LCA5: variants seen among roughly 807,000 people sequenced by gnomAD.
LCA5 encodes the protein lebercilin LCA5, also known as lebercilin.
In LCA5, 37 loss-of-function variants were observed where a neutral mutation model predicts 53.0. The ratio of observed to expected loss-of-function variants is 0.70; its 90% CI spans 0.54 to 0.92. LCA5 has a LOEUF of 0.92. LCA5 is among the 40% of genes least tolerant of loss of function. The probability of loss-of-function intolerance (pLI) is 0.00; values close to 1 mark genes in which losing one functional copy is unlikely to be tolerated. For synonymous variants in LCA5, 303 were observed against 282.9 expected, an observed-to-expected ratio of 1.07 and a Z score of -0.71; for missense variants, 806 against 790.5, an observed-to-expected ratio of 1.02 and a Z score of -0.23.
At chr6:79,505,762 A>G (rs1582632252) in intron 3 of LCA5, among the ~76,000 whole-genome samples, 3 of 152,272 alleles carry the variant, frequency 2.0e-5, no homozygotes, top group Middle Eastern at 6.8e-3. Flanking sequence ...GAAAGGGCAG[A>G]AAAACTTTCA....
At chr6:79,503,913 C>T (rs1770210002) in intron 3 of LCA5, among the ~76,000 whole-genome samples, 1 of 152,200 alleles carries the variant, frequency 6.6e-6, no homozygotes, top group South Asian at 2.1e-4. Flanking sequence ...TAAAATTTGA[C>T]CTTGAATTCT....
intron 3 of LCA5, among the ~76,000 whole-genome samples, chr6:79,495,340 A>G (rs530729567): frequency 6.6e-6 from 1 of 152,282 alleles, no homozygotes; most frequent in East Asian, 1.9e-4. Flanking sequence ...AAGGACTTGT[A>G]TGAAGAAATG....
At chr6:79,535,239 C>A (rs1484578649) in intron 1 of LCA5, among the ~76,000 whole-genome samples, 1 of 151,978 alleles carries the variant, frequency 6.6e-6, no homozygotes, top group African/African-American at 2.4e-5. Flanking sequence ...GATAATATCA[C>A]AAGAAGAATC....
At position 79,487,636 on chromosome 6, in the gene LCA5, C is replaced by A; in HGVS notation, c.1462G>T (p.Val488Phe). 6.2e-7 allele frequency: 1 copy of A among 1,613,972 alleles called. No homozygotes were observed. Among genetic ancestry groups the A allele is most frequent in the Non-Finnish European group, 8.5e-7 (1 of 1,179,912 alleles). ...TCAAAATCAGGTAACAATGGCAAAA[C>A]AGGGTATTTTAGATTTCGAGAATCT... ...LQDSRNLKYP[V>F]LPLLPDFESK... The change falls in exon 8 of 8, where the codon GTT becomes TTT. Residue 488 changes from valine to phenylalanine, a missense_variant. Coordinates refer to ENST00000369846, the MANE Select transcript of LCA5 (RefSeq NM_001122769.3).
At position 79,523,880 on chromosome 6, in the gene LCA5, A is replaced by C. The variant is rs188645180; in HGVS notation, c.-191-4795T>G. 1.9e-3 allele frequency among the ~76,000 whole-genome samples: 288 copies of C among 152,320 alleles called. 3 individuals carry two copies. Among genetic ancestry groups the C allele is most frequent in the East Asian group, 2.3e-3 (12 of 5,182 alleles). On this transcript the variant is annotated intron_variant, in intron 1 of 7. Transcript: ENST00000369846. ...CCCATTATCCAAGTCCTGCTCCCTG[A>C]AACAACCATTTTAATGGCTTATACC... is the stretch of plus-strand genomic sequence containing the variant.
At chr6:79,490,142 G>T (rs1769797061) in intron 6 of LCA5, among the ~76,000 whole-genome samples, 1 of 152,008 alleles carries the variant, frequency 6.6e-6, no homozygotes, top group Admixed American at 6.6e-5. Flanking sequence ...ACAAGAGAGA[G>T]AAATTTTTAT....
At chr6:79,537,836 A>G (rs567806976), upstream of LCA5, among the ~76,000 whole-genome samples, 35 of 152,242 alleles carry the variant, frequency 2.3e-4, no homozygotes, top group Non-Finnish European at 3.7e-4. Flanking sequence ...ACAAACTGCT[A>G]GTGCTTCTGG....
chr6:79,518,655 A>G, intron 2 of LCA5, 50 bp downstream of exon 2: 1 of 1,533,534 alleles, frequency 6.5e-7, no homozygotes, highest in Non-Finnish European at 9.0e-7. Flanking sequence ...TTCCTTAAGC[A>G]CTCAAAATGA....
rs113378498 is a variant in LCA5 at position 79,503,113 on chromosome 6, C to G, written c.721-9363G>C. ...GCTAGGCTGGTCTTGAACTCCTGAG[C>G]TCAACTGATCCATCTGCCTTGGCCT... On this transcript the variant is annotated intron_variant, in intron 3 of 7. Coordinates refer to ENST00000369846, the MANE Select transcript of LCA5 (RefSeq NM_001122769.3). Among the ~76,000 whole-genome samples, 215 of 152,268 alleles carry G rather than the reference C, an allele frequency of 1.4e-3. 6 individuals are homozygous for G. Among genetic ancestry groups the G allele is most frequent in the African/African-American group, 5.0e-3 (207 of 41,552 alleles).
At chr6:79,531,158 A>AT (rs1241340223) in intron 1 of LCA5, among the ~76,000 whole-genome samples, 1 of 152,188 alleles carries the variant, frequency 6.6e-6, no homozygotes, top group Admixed American at 6.5e-5. Flanking sequence ...GACCTACTCA[A>AT]TATTTCAATA....
intron 3 of LCA5, among the ~76,000 whole-genome samples, chr6:79,504,263 C>G (rs749953768): frequency 1.3e-5 from 2 of 152,120 alleles, no homozygotes; most frequent in Non-Finnish European, 2.9e-5. Context: ...TAAAAACTTA[C>G]GTTTAATGCT....
In LCA5 at chr6:79,501,905, T is replaced by C. The variant is rs185885646; in HGVS notation, c.721-8155A>G. On this transcript the variant is annotated intron_variant, in intron 3 of 7. Coordinates refer to ENST00000369846, the MANE Select transcript of LCA5 (RefSeq NM_001122769.3). ...TATAGTATGTAGTATAGAATACAGA[T>C]GTATAATATATAGTATATACACATA... is the stretch of plus-strand genomic sequence containing the variant. Among the ~76,000 whole-genome samples the C allele has an allele frequency of 1.3e-4, 19 of 151,834 alleles. No individual in the cohort carries two copies. In the South Asian group the frequency reaches 1.7e-3, roughly 13 times the overall value.
Position 79,533,759 on chromosome 6 carries a change from T to G in LCA5, c.-192+3406A>C, listed in dbSNP as rs949396544. ...CCATTGTATATAAATATCATAATGA[T>G]ATCTAATTCGTCTGACTCTAAGAAA... On this transcript the variant is annotated intron_variant, in intron 1 of 7. Transcript: ENST00000369846. 2.6e-5 allele frequency among the ~76,000 whole-genome samples: 4 copies of G among 151,916 alleles called. No individual in the cohort carries two copies. The East Asian group carries it at 5.8e-4, about 22-fold the overall frequency.
chr6:79,532,828 T>A (rs1404426823), intron 1 of LCA5, among the ~76,000 whole-genome samples: 1 of 152,202 alleles, frequency 6.6e-6, no homozygotes, highest in Non-Finnish European at 1.5e-5. Context: ...GAGACAGAAC[T>A]CTTGTCTGTT....
chr6:79,497,844 G>A (rs1385049090), intron 3 of LCA5, among the ~76,000 whole-genome samples: 14 of 151,524 alleles, frequency 9.2e-5, no homozygotes, highest in East Asian at 1.9e-4. Flanking sequence ...GTTGTGGTGC[G>A]CACCTGTAAT....
At chr6:79,492,818 G>A (rs1769881297) in intron 4 of LCA5, among the ~76,000 whole-genome samples, 171 bp from the exon 5 acceptor site, 1 of 151,966 alleles carries the variant, frequency 6.6e-6, no homozygotes, top group South Asian at 2.1e-4. Flanking sequence ...CTGAGGTTAG[G>A]ATAGAGCAAT....
In LCA5 at chr6:79,489,163, T is replaced by G. The variant is rs1562094420; in HGVS notation, c.1152A>C (p.Pro384=). The G allele has an allele frequency of 6.2e-7, 1 of 1,613,034 alleles. No individual in the cohort carries two copies. Among genetic ancestry groups the G allele is most frequent in the Non-Finnish European group, 8.5e-7 (1 of 1,179,690 alleles). The change falls in exon 7 of 8, where the codon CCA becomes CCC. Residue 384 remains proline (P), a synonymous_variant. Transcript: ENST00000369846. The part of the protein sequence containing the change: ...DRHGEAGILN[P]IMEREEKFVT... ...CAAATTTTTCTTCTCTTTCCATAAT[T>G]GGGTTTAGAATCCCTGCTTCTCCAT...
chr6:79,487,518 A>G lies in LCA5; in HGVS notation c.1580T>C (p.Ile527Thr). The G allele has an allele frequency of 6.2e-7, 1 of 1,614,034 alleles. No individual in the cohort carries two copies. The highest frequency in any genetic ancestry group is 8.5e-7 in the Non-Finnish European group (1 of 1,179,942). The change falls in exon 8 of 8, where the codon ATC (isoleucine) becomes ACC (threonine). Residue 527 changes from isoleucine to threonine, a missense_variant. Transcript: ENST00000369846. ...RLFNGHHLQD[I>T]SFSTPKGEGQ... Reference sequence around the variant, plus strand: ...TTCTCCTTTTGGAGTTGAGAAACTGATGTCTTGCAAATGATGCCCATTAAA... The same window carrying G: ...TTCTCCTTTTGGAGTTGAGAAACTGGTGTCTTGCAAATGATGCCCATTAAA...
intron 3 of LCA5, among the ~76,000 whole-genome samples, chr6:79,511,531 G>A (rs1429579049): frequency 6.6e-6 from 1 of 152,088 alleles, no homozygotes; most frequent in Non-Finnish European, 1.5e-5. Flanking sequence ...GATGGAATTG[G>A]TCTATATCTT....
Sources: gnomAD v4.1 joint callset for allele counts (sites outside exome capture counted in the v4.1 genomes callset) on GRCh38, gnomAD v4.1.1 for gene constraint, MANE v1.5 for transcripts, NCBI Gene and HGNC (gene_info 2026-07-23, HGNC 2026-07-21) for gene names.